The following KIF26B variants were observed in gnomAD, a reference collection of about 807,000 sequenced individuals.
KIF26B encodes the protein kinesin family member 26B, also known as kinesin-like protein KIF26B.
In KIF26B, 63 loss-of-function variants were observed where a neutral mutation model predicts 151.2. That is an observed-to-expected ratio of 0.42 (90% confidence interval 0.34 to 0.51). The LOEUF (loss-of-function observed/expected upper bound fraction) is 0.51, where lower values mean the gene tolerates loss of function less well. KIF26B is among the 20% of genes least tolerant of loss of function. KIF26B has a pLI of 0.07. For missense variants in KIF26B, 2,813 were observed against 2,913.6 expected (o/e 0.97, Z 0.79); for synonymous variants, 1,357 against 1,262.1 (o/e 1.08, Z -1.59).
intron 3 of KIF26B, among the ~76,000 whole-genome samples, chr1:245,391,768 A>G (rs1291840211): frequency 6.6e-6 from 1 of 152,198 alleles, no homozygotes; most frequent in Non-Finnish European, 1.5e-5. Context: ...ATTTATGCCA[A>G]CATGTGATGG....
intron 4 of KIF26B, among the ~76,000 whole-genome samples, chr1:245,453,970 A>T (rs1237975097): frequency 1.3e-5 from 2 of 152,236 alleles, no homozygotes; most frequent in Admixed American, 6.5e-5. Flanking sequence ...ATGGGCCACA[A>T]ACCCACCTAA....
At position 245,375,935 on chromosome 1, in the gene KIF26B, C is replaced by T. The variant is rs986109037; in HGVS notation, c.999+8568C>T. On this transcript the variant is annotated intron_variant, in intron 3 of 14. Transcript: ENST00000407071. The surrounding 1 kb of genome is among the most constrained non-coding windows in gnomAD (Gnocchi z 4.2). ...GAATGAGAGGTTACTCATACTGCAC[C>T]GCTGGTTTGCGATTGTCTCAGATTT... Among the ~76,000 whole-genome samples the T allele has an allele frequency of 3.3e-5, 5 of 152,134 alleles. No homozygotes were observed. The highest frequency in any genetic ancestry group is 7.4e-5 in the Non-Finnish European group (5 of 68,018).
rs747391051 is a variant in KIF26B at position 245,685,392 on chromosome 1, G to A, written c.2422-13G>A. 64 of 1,589,178 alleles carry A rather than the reference G, an allele frequency of 4.0e-5. No homozygotes were observed. The highest frequency in any genetic ancestry group is 4.7e-5 in the Non-Finnish European group (55 of 1,163,208). ...CGGAAAGGCCACCACATTAACTGCC[G>A]TCTCACTCACAGTACACATCCAGCT... On this transcript the variant is annotated splice_polypyrimidine_tract_variant and intron_variant, in intron 11 of 14. Transcript: ENST00000407071.
intron 3 of KIF26B, among the ~76,000 whole-genome samples, chr1:245,369,474 A>G (rs1673054538): frequency 6.6e-6 from 1 of 152,238 alleles, no homozygotes; most frequent in Non-Finnish European, 1.5e-5. Flanking sequence ...CTAAGATATT[A>G]GCATTCTTGG....
chr1:245,694,170 C>A (rs780384906), intron 12 of KIF26B, among the ~76,000 whole-genome samples: 1 of 152,228 alleles, frequency 6.6e-6, no homozygotes, highest in Non-Finnish European at 1.5e-5. Context: ...ATCCCCAGCA[C>A]GGGAGCACTT....
At chr1:245,621,075 C>A (rs939365) in intron 9 of KIF26B, among the ~76,000 whole-genome samples, 106,440 of 152,002 alleles carry the variant, frequency 0.7, 37,356 homozygotes, top group East Asian at 0.89. Context: ...GGCTTTTAAA[C>A]GCATCCCAGA....
chr1:245,367,129 C>T lies in KIF26B; in HGVS notation c.761C>T (p.Thr254Ile), dbSNP rs1227113484. 1 of 1,598,472 alleles carries T rather than the reference C, an allele frequency of 6.3e-7. No individual in the cohort carries two copies. Among genetic ancestry groups the T allele is most frequent in the Non-Finnish European group, 8.5e-7 (1 of 1,172,444 alleles). The change falls in exon 3 of 15, where the codon ACC (threonine) becomes ATC (isoleucine). Residue 254 changes from threonine to isoleucine, a missense_variant. By Grantham distance (89) the Thr-to-Ile change is moderately conservative. Transcript: ENST00000407071. The surrounding 1 kb of genome is among the most constrained non-coding windows in gnomAD (Gnocchi z 4.2). ...DWAFVPAPCA[T>I]SNYTGFANKH... ...GCCTTTGTGCCCGCCCCCTGTGCCA[C>T]CTCCAACTACACAGGCTTCGCCAAC...
chr1:245,646,392 A>G, intron 10 of KIF26B, 112 bp downstream of exon 10: 1 of 1,168,532 alleles, frequency 8.6e-7, no homozygotes, highest in Non-Finnish European at 1.2e-6. Context: ...GGACCCCATT[A>G]TAAGTTCAGT....
At chr1:245,212,344 C>T (rs1321475882) in intron 2 of KIF26B, among the ~76,000 whole-genome samples, 1 of 152,158 alleles carries the variant, frequency 6.6e-6, no homozygotes, top group East Asian at 1.9e-4. Flanking sequence ...ATTCTGCGTT[C>T]CTGCAGGACA....
chr1:245,347,857 T>C (rs1341388658), intron 2 of KIF26B, among the ~76,000 whole-genome samples: 1 of 152,246 alleles, frequency 6.6e-6, no homozygotes, highest in Non-Finnish European at 1.5e-5. Context: ...CAAATATTTG[T>C]TGACTGGCAC....
intron 4 of KIF26B, among the ~76,000 whole-genome samples, chr1:245,532,223 C>A (rs1661380018): frequency 1.0e-5 from 1 of 95,396 alleles, no homozygotes; most frequent in Non-Finnish European, 2.2e-5. Flanking sequence ...ATTCTTTTTT[C>A]TTTTCTTTTC....
At chr1:245,180,782 C>T (rs916809440) in intron 2 of KIF26B, among the ~76,000 whole-genome samples, 10 of 152,104 alleles carry the variant, frequency 6.6e-5, no homozygotes, top group African/African-American at 1.7e-4. Context: ...TACACTTGTT[C>T]GTGACCACAG....
At chr1:245,584,080 G>C (rs532701812) in intron 5 of KIF26B, among the ~76,000 whole-genome samples, 1 of 152,166 alleles carries the variant, frequency 6.6e-6, no homozygotes, top group East Asian at 1.9e-4. Flanking sequence ...GGGGCCTGGC[G>C]GGAGGTGACT....
chr1:245,522,035 A>C (rs531203638), intron 4 of KIF26B, among the ~76,000 whole-genome samples: 7 of 151,860 alleles, frequency 4.6e-5, no homozygotes, highest in Middle Eastern at 3.4e-3. Context: ...ATGCCCGGCT[A>C]ATTTTTTGTA....
At chr1:245,302,014 G>C (rs1051475628) in intron 2 of KIF26B, among the ~76,000 whole-genome samples, 2 of 152,120 alleles carry the variant, frequency 1.3e-5, no homozygotes, top group African/African-American at 4.8e-5. Context: ...ATTGTTTTCT[G>C]TCAGTGTTGG....
At chr1:245,559,010 CGT>C (rs1558214334) in intron 5 of KIF26B, among the ~76,000 whole-genome samples, 1 of 152,198 alleles carries the variant, frequency 6.6e-6, no homozygotes, top group Non-Finnish European at 1.5e-5. Context: ...TGAACACCAT[CGT>C]GTGTTTTCTC....
intron 3 of KIF26B, among the ~76,000 whole-genome samples, chr1:245,390,020 C>T (rs941065297): frequency 3.3e-5 from 5 of 152,158 alleles, no homozygotes; most frequent in South Asian, 2.1e-4. Context: ...AATACTCCGA[C>T]GCTATCTGCC....
At chr1:245,529,526 T>G (rs1661314024) in intron 4 of KIF26B, among the ~76,000 whole-genome samples, 1 of 152,220 alleles carries the variant, frequency 6.6e-6, no homozygotes, top group Non-Finnish European at 1.5e-5. Context: ...AAACTCTTGC[T>G]TTGTACTTCT....
chr1:245,555,186 A>G (rs1301713889), intron 5 of KIF26B, among the ~76,000 whole-genome samples: 1 of 152,072 alleles, frequency 6.6e-6, no homozygotes, highest in East Asian at 1.9e-4. Flanking sequence ...ATTCTTGGAT[A>G]ATGTGTGTCC....
Sources: gnomAD v4.1 joint callset for allele counts (sites outside exome capture counted in the v4.1 genomes callset) on GRCh38, gnomAD v4.1.1 for gene constraint, Gnocchi (gnomAD v3.1) non-coding constraint, MANE v1.5 for transcripts, NCBI Gene and HGNC (gene_info 2026-07-23, HGNC 2026-07-21) for gene names.